SACS: variants seen among roughly 807,000 people sequenced by gnomAD.
SACS encodes the protein sacsin molecular chaperone, also known as sacsin.
Under a neutral mutation model 348.0 loss-of-function variants are expected in SACS, and 197 were observed. The ratio of observed to expected loss-of-function variants is 0.57; its 90% CI spans 0.50 to 0.64. The LOEUF is 0.64. Ranked by LOEUF, SACS falls within the 30% of genes least tolerant of loss-of-function variation. The probability of loss-of-function intolerance (pLI) is 0.00; values close to 1 mark genes in which losing one functional copy is unlikely to be tolerated. For missense variants in SACS, 4,999 were observed against 5,360.8 expected, an observed-to-expected ratio of 0.93 and a Z score of 2.11; for synonymous variants, 1,985 against 1,910.6, an observed-to-expected ratio of 1.04 and a Z score of -1.02.
chr13:23,399,019 C>CAAAAATAAAAAAA (rs1872833702), intron 2 of SACS, among the ~76,000 whole-genome samples: 1 of 67,140 alleles, frequency 1.5e-5, no homozygotes, highest in African/African-American at 5.5e-5. Flanking sequence ...GACTCCATCT[C>CAAAAATAAAAAAA]AAAAAAAAAA....
At chr13:23,370,391 A>G (rs1486787752) in intron 4 of SACS, among the ~76,000 whole-genome samples, 3 of 152,218 alleles carry the variant, frequency 2.0e-5, no homozygotes, top group African/African-American at 7.2e-5. Context: ...TCAGTGCCAT[A>G]AACTTATCCA....
At position 23,358,464 on chromosome 13, in the gene SACS, A is replaced by G. The variant is rs1305721973; in HGVS notation, c.475T>C (p.Tyr159His). ...APYQGPALYV[Y>H]NNAVFTPEDW... Reference sequence around the variant, plus strand: ...TCTGGGGTGAAAACCGCGTTGTTGTACACATAGAGAGCTGGCCCTAGGTGT... The same window carrying G: ...TCTGGGGTGAAAACCGCGTTGTTGTGCACATAGAGAGCTGGCCCTAGGTGT... Residue 159 changes from tyrosine to histidine, a missense_variant, in exon 7 of 10, where the codon TAC becomes CAC. Tyr to His is a moderately conservative substitution (Grantham distance 83, BLOSUM62 2). Coordinates refer to ENST00000382292, the MANE Select transcript of SACS (RefSeq NM_014363.6). The G allele has an allele frequency of 1.9e-6, 3 of 1,614,022 alleles. No individual in the cohort carries two copies. Among genetic ancestry groups the G allele is most frequent in the Non-Finnish European group, 2.5e-6 (3 of 1,180,036 alleles).
At chr13:23,404,845 C>T (rs1462886931) in intron 2 of SACS, among the ~76,000 whole-genome samples, 1 of 152,116 alleles carries the variant, frequency 6.6e-6, no homozygotes, top group Non-Finnish European at 1.5e-5. Context: ...AAGAATACAC[C>T]TTACATGGGA....
intron 5 of SACS, among the ~76,000 whole-genome samples, chr13:23,366,633 C>CT (rs1871079673): frequency 6.6e-6 from 1 of 152,120 alleles, no homozygotes. Context: ...ATTCAGGTAT[C>CT]TATTTATTAT....
Position 23,341,403 on chromosome 13 carries a change from AC to A in SACS, c.2472del (p.Leu825Ter). ...TCAGATTCATCGTCTAAAATGACTA[AC>A]GATGGAATCCTGAGTCTAATGAGTT... The part of the protein sequence containing the change: ...CVELIRLRIP[S>X]LVILDDESEA... On this transcript the variant is annotated frameshift_variant, in exon 10 of 10. Transcript: ENST00000382292. LOFTEE classifies it high-confidence loss of function. The A allele has an allele frequency of 6.2e-7, 1 of 1,611,616 alleles. No individual in the cohort carries two copies.
chr13:23,355,067 A>C lies in SACS; in HGVS notation c.1545T>G (p.Arg515=). The C allele has an allele frequency of 6.2e-7, 1 of 1,614,170 alleles. No homozygotes were observed. The highest frequency in any genetic ancestry group is 8.5e-7 in the Non-Finnish European group (1 of 1,180,036). ...AATCAGAGCTCTTTTCCATCTCCAG[A>C]CGTTTTATTGAATCTAAGATCAGAG... The part of the protein sequence containing the change: ...YATLILDSIK[R]LEMEKSSDFP... Residue 515 remains arginine (R), a synonymous_variant, in exon 8 of 10, where the codon CGT becomes CGG. Transcript: ENST00000382292.
chr13:23,374,373 C>T (rs1240909525), intron 3 of SACS, among the ~76,000 whole-genome samples: 1 of 152,242 alleles, frequency 6.6e-6, no homozygotes, highest in Non-Finnish European at 1.5e-5. Context: ...CCTGAAATGT[C>T]ATCCTATACG....
chr13:23,335,082 G>A lies in SACS; in HGVS notation c.8794C>T (p.Arg2932Trp), dbSNP rs370913893. ...YVELLIQLKK[R>W]YFPGSDPTLS... The stretch of plus-strand genomic sequence containing the variant: ...GTTGGATCAGAACCAGGGAAATACC[G>A]TTTTTTTAACTGTATTAGCAATTCA... Residue 2932 changes from arginine (R) to tryptophan (W), a missense_variant, in exon 10 of 10, where the codon CGG (arginine) becomes TGG (tryptophan). Around this residue, in one of 6 missense-constraint regions of SACS, gnomAD observed 734 missense variants for 694.0 expected, o/e 1.06. Transcript: ENST00000382292. The surrounding 1 kb of genome is among the most constrained non-coding windows in gnomAD (Gnocchi z 4.7). 7.1e-5 allele frequency: 114 copies of A among 1,613,308 alleles called. No homozygotes were observed. The highest frequency in any genetic ancestry group is 2.9e-4 in the South Asian group (26 of 91,006).
chr13:23,367,481 G>C (rs913714186), intron 5 of SACS, among the ~76,000 whole-genome samples: 1 of 152,034 alleles, frequency 6.6e-6, no homozygotes, highest in Non-Finnish European at 1.5e-5. Context: ...CATAACAACT[G>C]GTCTACTTTG....
At chr13:23,379,275 T>C (rs561634574) in intron 2 of SACS, among the ~76,000 whole-genome samples, 1 of 152,278 alleles carries the variant, frequency 6.6e-6, no homozygotes, top group African/African-American at 2.4e-5. Context: ...GAGGTGTTCC[T>C]CTCCTGTTCA....
chr13:23,334,485 T>C lies in SACS; in HGVS notation c.9391A>G (p.Ser3131Gly). The change falls in exon 10 of 10, where the codon AGT (serine) becomes GGT (glycine). Residue 3131 changes from serine (S) to glycine (G), a missense_variant. Physicochemically the swap from Ser to Gly is moderately conservative, Grantham distance 56. This residue lies in a region of SACS where 734 missense variants were observed against 694.0 expected (regional missense o/e 1.06). Coordinates refer to ENST00000382292, the MANE Select transcript of SACS (RefSeq NM_014363.6). ...LQQTNLKLFH[S>G]LKLLVDYCFK... ...CAATAATCAACTAAAAGTTTTAAAC[T>C]ATGAAAAAGTTTTAGATTAGTCTGC... is the stretch of plus-strand genomic sequence containing the variant. The C allele has an allele frequency of 1.2e-6, 2 of 1,613,062 alleles. No homozygotes were observed. The highest frequency in any genetic ancestry group is 1.7e-6 in the Non-Finnish European group (2 of 1,179,766).
chr13:23,418,347 T>C (rs1351913880), intron 1 of SACS, among the ~76,000 whole-genome samples: 2 of 152,170 alleles, frequency 1.3e-5, no homozygotes, highest in Non-Finnish European at 2.9e-5. Context: ...ATACATTTAG[T>C]TCAACTTAAT....
At chr13:23,405,934 TTGG>T (rs1334168060) in intron 2 of SACS, among the ~76,000 whole-genome samples, 1 of 152,174 alleles carries the variant, frequency 6.6e-6, no homozygotes, top group Non-Finnish European at 1.5e-5. Context: ...TTTTACACTG[TTGG>T]TGGGAGTGTA....
chr13:23,360,857 C>T (rs1453092330), intron 6 of SACS, among the ~76,000 whole-genome samples: 1 of 151,162 alleles, frequency 6.6e-6, no homozygotes, highest in African/African-American at 2.4e-5. Context: ...CGGGTTCAAG[C>T]AATTCTTCTG....
chr13:23,368,826 A>G (rs996784947), intron 4 of SACS, among the ~76,000 whole-genome samples: 3 of 152,004 alleles, frequency 2.0e-5, no homozygotes, highest in East Asian at 1.9e-4. Flanking sequence ...AGCCTCCCGA[A>G]TAGCTGGGAC....
At chr13:23,412,144 A>G (rs969668074) in intron 1 of SACS, among the ~76,000 whole-genome samples, 2 of 152,088 alleles carry the variant, frequency 1.3e-5, no homozygotes, top group Admixed American at 6.5e-5. Context: ...CTGTAGTCCC[A>G]GCTACTTGGG....
intron 1 of SACS, among the ~76,000 whole-genome samples, chr13:23,415,993 A>G (rs866165352): frequency 1.3e-5 from 2 of 152,078 alleles, no homozygotes; most frequent in Non-Finnish European, 2.9e-5. Context: ...AGAATTTAGG[A>G]AAAAGGCCGG....
chr13:23,339,776 T>C lies in SACS; in HGVS notation c.4100A>G (p.Tyr1367Cys), dbSNP rs777041877. The change falls in exon 10 of 10, where the codon TAT becomes TGT. Residue 1367 changes from tyrosine to cysteine, a missense_variant. This residue lies in a region of SACS where 3,156 missense variants were observed against 3,380.1 expected (regional missense o/e 0.93). Transcript: ENST00000382292. ...HLMLNIIRWL[Y>C]SNQIPASPNT... ...GGGGCTTGCTGGAATCTGATTGCTA[T>C]ACAGCCATCTGATAATATTCAACAT... 4 of 1,613,928 alleles carry C rather than the reference T, an allele frequency of 2.5e-6. No individual in the cohort carries two copies. In the African/African-American group the frequency reaches 4.0e-5, roughly 16 times the overall value.
intron 1 of SACS, among the ~76,000 whole-genome samples, chr13:23,420,876 C>T (rs1387202577): frequency 6.6e-6 from 1 of 152,036 alleles, no homozygotes; most frequent in African/African-American, 2.4e-5. Flanking sequence ...GATTGTCCAT[C>T]AGGGACCTGT....
Sources: allele counts gnomAD v4.1 joint callset (sites outside exome capture counted in the v4.1 genomes callset), GRCh38; gene constraint gnomAD v4.1.1; regional missense constraint gnomAD v4.1.1; non-coding constraint Gnocchi (gnomAD v3.1); transcripts MANE v1.5; gene names NCBI Gene and HGNC (gene_info 2026-07-23, HGNC 2026-07-21).